ME3: variants seen among roughly 807,000 people sequenced by gnomAD.
The protein encoded by ME3 is NADP-dependent malic enzyme, mitochondrial.
ME3 carries 48 observed loss-of-function variants against 68.9 expected under a neutral mutation model. That is an observed-to-expected ratio of 0.70 (90% CI 0.55 to 0.89). The LOEUF is 0.89. Among genes scored for constraint, ME3 ranks in the 40% least tolerant of loss-of-function variants. The pLI is 0.00. For synonymous variants in ME3, 320 were observed against 318.8 expected (o/e 1.00, Z -0.04); for missense variants, 675 against 797.4 (o/e 0.85, Z 1.85).
At chr11:86,623,686 G>C (rs1032259025) in intron 2 of ME3, among the ~76,000 whole-genome samples, 1 of 152,192 alleles carries the variant, frequency 6.6e-6, no homozygotes, top group African/African-American at 2.4e-5. Context: ...CATTGTTATA[G>C]AAATAGCAAT....
At chr11:86,660,823 C>G (rs1259778535) in intron 2 of ME3, among the ~76,000 whole-genome samples, 1 of 150,620 alleles carries the variant, frequency 6.6e-6, no homozygotes, top group African/African-American at 2.5e-5. Flanking sequence ...GGCACAACAT[C>G]AGAGCAGAAA....
At chr11:86,627,780 T>C (rs1021702813) in intron 2 of ME3, among the ~76,000 whole-genome samples, 1 of 152,202 alleles carries the variant, frequency 6.6e-6, no homozygotes, top group East Asian at 1.9e-4. Context: ...GAAGCCTTCA[T>C]ACTTGTACCA....
intron 10 of ME3, 64 bp from the exon 11 acceptor site, chr11:86,448,319 C>T: frequency 8.2e-7 from 1 of 1,222,830 alleles, no homozygotes; most frequent in Non-Finnish European, 1.2e-6. Context: ...AGTACAGATG[C>T]ATTTGGAAAC....
chr11:86,565,766 T>C (rs1007690241), intron 2 of ME3, among the ~76,000 whole-genome samples: 1 of 152,256 alleles, frequency 6.6e-6, no homozygotes, highest in Non-Finnish European at 1.5e-5. Flanking sequence ...CTGTGGCTTG[T>C]CTTTTCATTC....
intron 4 of ME3, among the ~76,000 whole-genome samples, chr11:86,553,256 G>A (rs1956781565): frequency 6.6e-6 from 1 of 152,236 alleles, no homozygotes; most frequent in African/African-American, 2.4e-5. Flanking sequence ...CCCCAGGCAG[G>A]TTGGAGTCTC....
chr11:86,543,388 G>T (rs1054280742), intron 4 of ME3, among the ~76,000 whole-genome samples: 1 of 152,178 alleles, frequency 6.6e-6, no homozygotes, highest in African/African-American at 2.4e-5. Flanking sequence ...AGAACCATTG[G>T]TGTGCTGTAT....
intron 2 of ME3, among the ~76,000 whole-genome samples, chr11:86,571,555 G>C (rs529031914): frequency 1.3e-5 from 2 of 152,338 alleles, no homozygotes; most frequent in East Asian, 1.9e-4. Context: ...CTGAGAAATT[G>C]AATTTTGTAT....
chr11:86,525,042 T>C (rs189696872), intron 4 of ME3, among the ~76,000 whole-genome samples: 35 of 152,308 alleles, frequency 2.3e-4, no homozygotes, highest in African/African-American at 8.4e-4. Context: ...CAGGGATAAG[T>C]TCCAGTGAGA....
intron 8 of ME3, among the ~76,000 whole-genome samples, chr11:86,456,375 G>T (rs1949927391): frequency 6.6e-6 from 1 of 152,312 alleles, no homozygotes. Context: ...GTCTTCTGGG[G>T]TTATTTGCAG....
chr11:86,551,824 C>T (rs1176899218), intron 4 of ME3, among the ~76,000 whole-genome samples: 2 of 152,206 alleles, frequency 1.3e-5, no homozygotes, highest in African/African-American at 4.8e-5. Flanking sequence ...TGTCCAAATA[C>T]ATCTTCAGGT....
At chr11:86,452,953 A>T (rs538985937) in intron 8 of ME3, among the ~76,000 whole-genome samples, 1 of 152,276 alleles carries the variant, frequency 6.6e-6, no homozygotes, top group East Asian at 1.9e-4. Flanking sequence ...TTGGAAAAAT[A>T]GTTGAATGTT....
chr11:86,545,183 C>T (rs2139374658), intron 4 of ME3, among the ~76,000 whole-genome samples: 1 of 152,280 alleles, frequency 6.6e-6, no homozygotes, highest in Middle Eastern at 3.4e-3. Flanking sequence ...ATAATAAGAG[C>T]TATTTATGAC....
At chr11:86,608,719 T>C (rs766044974) in intron 2 of ME3, among the ~76,000 whole-genome samples, 2 of 152,224 alleles carry the variant, frequency 1.3e-5, no homozygotes, top group Non-Finnish European at 2.9e-5. Context: ...AGTAAAACTT[T>C]ACTATTCTCT....
At chr11:86,440,290 C>T (rs1375204070), downstream of ME3, among the ~76,000 whole-genome samples, 1 of 152,212 alleles carries the variant, frequency 6.6e-6, no homozygotes, top group African/African-American at 2.4e-5. Context: ...CAAGCTCTCT[C>T]CTGCCCCCAC....
intron 2 of ME3, among the ~76,000 whole-genome samples, chr11:86,603,834 C>G (rs1353897727): frequency 6.6e-6 from 1 of 151,138 alleles, no homozygotes; most frequent in Non-Finnish European, 1.5e-5. Flanking sequence ...TCTCAGTAAA[C>G]TATCACAAGG....
intron 4 of ME3, among the ~76,000 whole-genome samples, chr11:86,515,601 C>T (rs929939424): frequency 2.0e-5 from 3 of 152,182 alleles, no homozygotes; most frequent in Non-Finnish European, 2.9e-5. Flanking sequence ...ACCCTGTAGA[C>T]ACTTGAATCT....
At chr11:86,641,346 T>C (rs1944663126) in intron 2 of ME3, among the ~76,000 whole-genome samples, 1 of 152,202 alleles carries the variant, frequency 6.6e-6, no homozygotes, top group Admixed American at 6.5e-5. Context: ...AAGCACTTCC[T>C]CTCTGAGTGG....
At chr11:86,533,666 C>T (rs184789757) in intron 4 of ME3, among the ~76,000 whole-genome samples, 223 of 152,238 alleles carry the variant, frequency 1.5e-3, no homozygotes, top group African/African-American at 4.5e-3. Flanking sequence ...GATACTAAAG[C>T]CAGACGAGGA....
chr11:86,526,675 G>A (rs1954776388), intron 4 of ME3, among the ~76,000 whole-genome samples: 1 of 152,198 alleles, frequency 6.6e-6, no homozygotes, highest in Non-Finnish European at 1.5e-5. Flanking sequence ...AAAACTTCCA[G>A]AGGAACGATC....
Sources: gnomAD v4.1 joint callset for allele counts (sites outside exome capture counted in the v4.1 genomes callset) on GRCh38, gnomAD v4.1.1 for gene constraint, MANE v1.5 for transcripts, NCBI Gene and HGNC (gene_info 2026-07-23, HGNC 2026-07-21) for gene names.